The following PCDHGA1 variants were observed in gnomAD, a reference collection of about 807,000 sequenced individuals.
The protein encoded by PCDHGA1 is protocadherin gamma-A1.
In PCDHGA1, 32 loss-of-function variants were observed where a neutral mutation model predicts 58.0. That is an observed-to-expected ratio of 0.55 (90% confidence interval 0.42 to 0.74). PCDHGA1 has a LOEUF of 0.74. Ranked by LOEUF, PCDHGA1 falls within the 30% of genes least tolerant of loss-of-function variation. The pLI, the probability that PCDHGA1 is intolerant of heterozygous loss-of-function variation, is 0.00. For synonymous variants in PCDHGA1, 498 were observed against 501.1 expected (o/e 0.99, Z 0.08); for missense variants, 1,205 against 1,182.3 (o/e 1.02, Z -0.28).
At chr5:141,333,595 C>T (rs1044447690) in intron 1 of PCDHGA1, 10 of 174,750 alleles carry the variant, frequency 5.7e-5, no homozygotes, top group Non-Finnish European at 3.6e-5. Context: ...TGAAGATTGT[C>T]TAAAGTAGTA....
chr5:141,453,930 T>G (rs944390811), intron 1 of PCDHGA1, among the ~76,000 whole-genome samples: 10 of 152,242 alleles, frequency 6.6e-5, no homozygotes, highest in Non-Finnish European at 1.0e-4. Flanking sequence ...AGTCACTGTG[T>G]GCCTATAATT....
rs769078532 is a variant in PCDHGA1 at position 141,351,045 on chromosome 5, T to C, written c.2421+17940T>C. ...TGGGGAACCTCCGTGCTGCGGGTGA[T>C]GGCCACAGACCAGGATGAGGGCATT... is the stretch of plus-strand genomic sequence containing the variant. On this transcript the variant is annotated intron_variant, in intron 1 of 3. Coordinates refer to ENST00000517417, the MANE Select transcript of PCDHGA1 (RefSeq NM_018912.3). 5.6e-6 allele frequency: 9 copies of C among 1,613,972 alleles called. No homozygotes were observed. The Middle Eastern group carries it at 6.6e-4, about 118-fold the overall frequency.
chr5:141,392,511 A>T (rs1368500575), intron 1 of PCDHGA1: 1 of 240,352 alleles, frequency 4.2e-6, no homozygotes, highest in Non-Finnish European at 7.9e-6. Flanking sequence ...TTTTTTTCTC[A>T]GTAATCTAGT....
At chr5:141,357,769 A>G (rs1051141357) in intron 1 of PCDHGA1, 13 of 952,774 alleles carry the variant, frequency 1.4e-5, no homozygotes, top group Middle Eastern at 3.0e-4. Flanking sequence ...TGACCTTCCA[A>G]TAATGATCAA....
intron 1 of PCDHGA1, chr5:141,423,640 T>C: frequency 6.3e-7 from 1 of 1,597,848 alleles, no homozygotes; most frequent in Non-Finnish European, 8.5e-7. Flanking sequence ...TTTAGGCAAA[T>C]GTGACCCGAC....
intron 1 of PCDHGA1, chr5:141,413,189 G>T: frequency 1.2e-6 from 2 of 1,606,972 alleles, no homozygotes; most frequent in Middle Eastern, 1.7e-4. Flanking sequence ...GCCGCTCAAA[G>T]GAATCGCTCA....
rs374159387 is a variant in PCDHGA1, at chr5:141,385,182, G to A, written c.2421+52077G>A. 154 of 1,614,138 alleles carry A rather than the reference G, an allele frequency of 9.5e-5. 1 individual carries two copies. The African/African-American group carries it at 1.3e-3, about 14-fold the overall frequency. ...ATTCCCATGAGGTCTCCCTCACCGC[G>A]GACTCTCGGAAGAGTCACCTGATCT... On this transcript the variant is annotated intron_variant, in intron 1 of 3. Coordinates refer to ENST00000517417, the MANE Select transcript of PCDHGA1 (RefSeq NM_018912.3).
At chr5:141,410,508 G>C in intron 1 of PCDHGA1, 2 of 1,613,968 alleles carry the variant, frequency 1.2e-6, no homozygotes, top group Non-Finnish European at 8.5e-7. Flanking sequence ...TTCCTAAAAT[G>C]CAGTGTGCCC....
intron 1 of PCDHGA1, chr5:141,410,911 T>C (rs927103159): frequency 2.6e-5 from 7 of 267,884 alleles, no homozygotes; most frequent in African/African-American, 7.8e-5. Flanking sequence ...TGGAGTGCAG[T>C]GGCGTGATCT....
Position 141,431,461 on chromosome 5 carries a change from T to C in PCDHGA1, c.2422-63346T>C, listed in dbSNP as rs1477501293. 1 of 1,613,800 alleles carries C rather than the reference T, an allele frequency of 6.2e-7. No individual in the cohort carries two copies. Among genetic ancestry groups the C allele is most frequent in the Admixed American group, 1.7e-5 (1 of 60,032 alleles). ...CGCGCATCCGCGTGATGGTTCTGGA[T>C]GCGAACGACAACGCACCAGCGTTTG... On this transcript the variant is annotated intron_variant, in intron 1 of 3. Transcript: ENST00000517417. The surrounding 1 kb of genome is among the most constrained non-coding windows in gnomAD (Gnocchi z 4.8).
chr5:141,352,631 G>A (rs762118992), intron 1 of PCDHGA1: 3 of 1,611,150 alleles, frequency 1.9e-6, no homozygotes, highest in East Asian at 2.2e-5. Context: ...CAGTAATGAA[G>A]ATCACAAAAT....
In PCDHGA1 at chr5:141,370,967, C is replaced by T. The variant is rs776738496; in HGVS notation, c.2421+37862C>T. On this transcript the variant is annotated intron_variant, in intron 1 of 3. Transcript: ENST00000517417. ...AGGAGAACCTGGATGGCAGTAGGTA[C>T]CCAGAGCTAGTACTGAAAGCACCCC... is the stretch of plus-strand genomic sequence containing the variant. 9.3e-6 allele frequency: 15 copies of T among 1,613,878 alleles called. 1 individual carries two copies. The South Asian group carries it at 1.3e-4, about 14-fold the overall frequency.
At chr5:141,389,635 A>G in intron 1 of PCDHGA1, 1 of 1,612,978 alleles carries the variant, frequency 6.2e-7, no homozygotes, top group Non-Finnish European at 8.5e-7. Flanking sequence ...GAGCCTGGCT[A>G]CTTGGTGACC....
At chr5:141,467,767 C>T (rs72790060) in intron 1 of PCDHGA1, among the ~76,000 whole-genome samples, 25,555 of 151,632 alleles carry the variant, frequency 0.17, 2,195 homozygotes, top group South Asian at 0.22. Context: ...GCTCAAGTGC[C>T]CGCACCTCAG....
intron 1 of PCDHGA1, chr5:141,343,884 G>C (rs1006041268): frequency 1.5e-6 from 1 of 648,930 alleles, no homozygotes; most frequent in Non-Finnish European, 2.6e-6. Flanking sequence ...CAGAAGATCC[G>C]GGGCGGCTGC....
At chr5:141,343,777 T>C (rs1757322491) in intron 1 of PCDHGA1, 1 of 410,716 alleles carries the variant, frequency 2.4e-6, no homozygotes, top group Admixed American at 4.1e-5. Context: ...TTAGGCCTCT[T>C]AGTGTCGCTG....
At chr5:141,400,860 A>G (rs77207205) in intron 1 of PCDHGA1, among the ~76,000 whole-genome samples, 6,447 of 152,342 alleles carry the variant, frequency 0.042, 220 homozygotes, top group African/African-American at 0.092. Flanking sequence ...TATTGTATGT[A>G]GATAAACCAT....
chr5:141,478,347 C>T, intron 1 of PCDHGA1: 2 of 1,613,802 alleles, frequency 1.2e-6, no homozygotes, highest in Non-Finnish European at 1.7e-6. Context: ...TCCTTGCACG[C>T]GGACGCCGTG....
At chr5:141,374,200 G>A (rs372035857) in intron 1 of PCDHGA1, 17 of 1,613,778 alleles carry the variant, frequency 1.1e-5, no homozygotes, top group African/African-American at 2.7e-5. Context: ...CCGAGGAGCT[G>A]GAGAAAGGCT....
Sources: gnomAD v4.1 joint callset for allele counts (sites outside exome capture counted in the v4.1 genomes callset) on GRCh38, gnomAD v4.1.1 for gene constraint, Gnocchi (gnomAD v3.1) non-coding constraint, MANE v1.5 for transcripts, NCBI Gene and HGNC (gene_info 2026-07-23, HGNC 2026-07-21) for gene names.